Variants in FHIT observed in about 807,000 individuals in gnomAD.
FHIT encodes fragile histidine triad diadenosine triphosphatase, also known as bis(5'-adenosyl)-triphosphatase.
FHIT carries 19 observed loss-of-function variants against 17.9 expected under a neutral mutation model. The ratio of observed to expected loss-of-function variants is 1.06; its 90% CI spans 0.74 to 1.56. The LOEUF (loss-of-function observed/expected upper bound fraction) is 1.56, where lower values mean the gene tolerates loss of function less well. Ranked by LOEUF, FHIT falls within the 40% of genes most tolerant of loss-of-function variation. The probability of loss-of-function intolerance (pLI) is 0.00; values close to 1 mark genes in which losing one functional copy is unlikely to be tolerated. For synonymous variants in FHIT, 81 were observed against 69.7 expected (o/e 1.16, Z -0.81); for missense variants, 248 against 189.2 (o/e 1.31, Z -1.82).
At chr3:59,752,002 GGAA>G in intron 9 of FHIT, 1 of 425,412 alleles carries the variant, frequency 2.4e-6, no homozygotes, top group Non-Finnish European at 4.2e-6. Flanking sequence ...GCACTGGCTT[GGAA>G]GAAGAGAGTG....
intron 4 of FHIT, among the ~76,000 whole-genome samples, chr3:60,593,764 G>A (rs2038170211): frequency 6.6e-6 from 1 of 152,006 alleles, no homozygotes; most frequent in Non-Finnish European, 1.5e-5. Context: ...CTTTCTCCAA[G>A]CTGACATCTT....
At chr3:61,196,058 C>T (rs1242450934) in intron 2 of FHIT, among the ~76,000 whole-genome samples, 1 of 152,036 alleles carries the variant, frequency 6.6e-6, no homozygotes, top group African/African-American at 2.4e-5. Context: ...ATAACTATGT[C>T]AGGAGGCTGT....
At chr3:59,757,216 G>A (rs754518988) in intron 8 of FHIT, among the ~76,000 whole-genome samples, 1 of 152,170 alleles carries the variant, frequency 6.6e-6, no homozygotes, top group African/African-American at 2.4e-5. Flanking sequence ...AAGTGACAAC[G>A]TTTGCAAAAA....
chr3:60,672,874 C>CTTGTGTGTGT, intron 4 of FHIT, among the ~76,000 whole-genome samples: 1 of 139,566 alleles, frequency 7.2e-6, no homozygotes, highest in African/African-American at 2.7e-5. Context: ...CTCTTTGTAG[C>CTTGTGTGTGT]GTGTGTGTGT....
rs1290245402 is a variant in FHIT, at chr3:60,945,584, G to A, written c.-111+96463C>T. Among the ~76,000 whole-genome samples the A allele has an allele frequency of 4.6e-5, 7 of 152,122 alleles. No individual in the cohort carries two copies. In the East Asian group the frequency reaches 1.4e-3, roughly 29 times the overall value. ...ATTTTTTGTATATTTAGTAGAGGCAGGGTTTTGCCATGTTGGCCAAGCTGG... is the reference window on the plus strand; with the variant it reads ...ATTTTTTGTATATTTAGTAGAGGCAAGGTTTTGCCATGTTGGCCAAGCTGG... On this transcript the variant is annotated intron_variant, in intron 3 of 9. Transcript: ENST00000492590.
At chr3:60,354,051 C>A (rs1017547363) in intron 5 of FHIT, among the ~76,000 whole-genome samples, 2 of 151,948 alleles carry the variant, frequency 1.3e-5, no homozygotes, top group African/African-American at 2.4e-5. Flanking sequence ...GCTGGAGAAT[C>A]CAAATGTCTC....
chr3:59,800,858 G>A lies in FHIT; in HGVS notation c.349-48537C>T, dbSNP rs140156570. 8.2e-4 allele frequency among the ~76,000 whole-genome samples: 125 copies of A among 152,232 alleles called. 1 individual carries two copies. Among genetic ancestry groups the A allele is most frequent in the African/African-American group, 2.7e-3 (113 of 41,540 alleles). ...AGGGGGAGAGAAGAAAGGGGAGGGT[G>A]AGAGAGGGAAGGGAAGAAGAAAAGA... On this transcript the variant is annotated intron_variant, in intron 8 of 9. Transcript: ENST00000492590.
At chr3:59,754,695 C>A (rs532575340) in intron 8 of FHIT, among the ~76,000 whole-genome samples, 1 of 152,182 alleles carries the variant, frequency 6.6e-6, no homozygotes, top group East Asian at 1.9e-4. Flanking sequence ...TATTAGGCAA[C>A]CGTCTGTTAT....
chr3:60,206,171 A>AATAATAATT (rs1559727175), intron 5 of FHIT, among the ~76,000 whole-genome samples: 8 of 143,940 alleles, frequency 5.6e-5, no homozygotes, highest in Admixed American at 4.9e-4. Flanking sequence ...TAATAATAAT[A>AATAATAATT]ATTATAACAC....
At position 60,186,937 on chromosome 3, in the gene FHIT, T is replaced by C. The variant is rs560340757; in HGVS notation, c.104-172785A>G. Among the ~76,000 whole-genome samples the C allele has an allele frequency of 2.3e-4, 35 of 152,258 alleles. No homozygotes were observed. The East Asian group carries it at 3.9e-3, about 17-fold the overall frequency. On this transcript the variant is annotated intron_variant, in intron 5 of 9. Coordinates refer to ENST00000492590, the MANE Select transcript of FHIT (RefSeq NM_002012.4). ...AGCTTTCTACTCTAGCTCCCACTGA[T>C]GTGTATTTCTTATTAAAGCTTTGTG...
intron 5 of FHIT, among the ~76,000 whole-genome samples, chr3:60,225,449 A>T (rs1704152918): frequency 6.6e-6 from 1 of 152,210 alleles, no homozygotes; most frequent in Admixed American, 6.5e-5. Flanking sequence ...GTTTAGAAAC[A>T]GGGCTAAAGG....
intron 8 of FHIT, among the ~76,000 whole-genome samples, chr3:59,869,449 A>G (rs921952745): frequency 2.7e-5 from 4 of 148,114 alleles, no homozygotes; most frequent in Admixed American, 1.3e-4. Flanking sequence ...ATTTTCATGT[A>G]CTAGTCATTA....
chr3:59,871,903 G>T (rs1276144443), intron 8 of FHIT, among the ~76,000 whole-genome samples: 1 of 152,180 alleles, frequency 6.6e-6, no homozygotes, highest in African/African-American at 2.4e-5. Flanking sequence ...AAGACAAGAA[G>T]AGTCAATTTG....
intron 5 of FHIT, among the ~76,000 whole-genome samples, chr3:60,258,859 C>T (rs1706152098): frequency 6.6e-6 from 1 of 152,056 alleles, no homozygotes; most frequent in African/African-American, 2.4e-5. Context: ...TTTGCTAAAT[C>T]TTCTTTGTGT....
intron 3 of FHIT, among the ~76,000 whole-genome samples, chr3:60,842,722 GTGTGA>G (rs1553745488): frequency 6.7e-6 from 1 of 148,370 alleles, no homozygotes; most frequent in Non-Finnish European, 1.5e-5. Flanking sequence ...TAAGATTAAG[GTGTGA>G]TCATTCAAGT....
At position 59,747,489 on chromosome 3, in the gene FHIT, G is replaced by A. The variant is rs969015028; in HGVS notation, c.*2096C>T. ...ACTGGGTCCCTCCCATGACATGTGG[G>A]GATTATGGGAGCTACAATTCAAGAT... On this transcript the variant is annotated 3_prime_UTR_variant, in exon 10 of 10. Coordinates refer to ENST00000492590, the MANE Select transcript of FHIT (RefSeq NM_002012.4). Among the ~76,000 whole-genome samples, 2 of 152,014 alleles carry A rather than the reference G, an allele frequency of 1.3e-5. No homozygotes were observed. The highest frequency in any genetic ancestry group is 4.8e-5 in the African/African-American group (2 of 41,400).
intron 4 of FHIT, 76 bp downstream of exon 4, chr3:60,821,843 A>G (rs1362713738): frequency 2.0e-5 from 3 of 152,162 alleles, no homozygotes; most frequent in African/African-American, 7.2e-5. Context: ...GAACATTACT[A>G]CTATTATAAG....
At chr3:60,893,720 C>G (rs930871703) in intron 3 of FHIT, among the ~76,000 whole-genome samples, 1 of 152,198 alleles carries the variant, frequency 6.6e-6, no homozygotes, top group African/African-American at 2.4e-5. Context: ...CTGCACCTGA[C>G]CTAGCTCCAG....
At chr3:60,252,649 A>G (rs1338543287) in intron 5 of FHIT, among the ~76,000 whole-genome samples, 1 of 152,102 alleles carries the variant, frequency 6.6e-6, no homozygotes, top group Non-Finnish European at 1.5e-5. Context: ...AGCAGCTAGT[A>G]CTGTACATGG....
Sources: gnomAD v4.1 joint callset for allele counts (sites outside exome capture counted in the v4.1 genomes callset) on GRCh38, gnomAD v4.1.1 for gene constraint, MANE v1.5 for transcripts, NCBI Gene and HGNC (gene_info 2026-07-23, HGNC 2026-07-21) for gene names.